RIMS1: variants seen among roughly 807,000 people sequenced by gnomAD.
RIMS1 encodes regulating synaptic membrane exocytosis 1.
Under a neutral mutation model 214.1 loss-of-function variants are expected in RIMS1, and 83 were observed. The observed-to-expected ratio is 0.39, with a 90% CI of 0.32 to 0.47. RIMS1 has a LOEUF of 0.47. Among genes scored for constraint, RIMS1 ranks in the 20% least tolerant of loss-of-function variants. The pLI is 0.99. For missense variants in RIMS1, 2,050 were observed against 2,161.8 expected, an observed-to-expected ratio of 0.95 and a Z score of 1.03; for synonymous variants, 793 against 786.8, an observed-to-expected ratio of 1.01 and a Z score of -0.13.
Position 72,087,896 on chromosome 6 carries a change from C to G in RIMS1, c.246-9053C>G, listed in dbSNP as rs374152593. On this transcript the variant is annotated intron_variant, in intron 2 of 33. Coordinates refer to ENST00000521978, the MANE Select transcript of RIMS1 (RefSeq NM_014989.7). ...CCCATCAAATGGAAACTTTGGTCAACTTTAATTTTCCAGTCAGAATTGTGT... is the reference window on the plus strand; with the variant it reads ...CCCATCAAATGGAAACTTTGGTCAAGTTTAATTTTCCAGTCAGAATTGTGT... Among the ~76,000 whole-genome samples, 12 of 152,330 alleles carry G rather than the reference C, an allele frequency of 7.9e-5. No homozygotes were observed. In the East Asian group the frequency reaches 1.4e-3, roughly 17 times the overall value.
At chr6:72,323,041 G>A (rs554296893) in intron 28 of RIMS1, among the ~76,000 whole-genome samples, 15 of 152,184 alleles carry the variant, frequency 9.9e-5, no homozygotes, top group African/African-American at 3.6e-4. Context: ...CCCATAGTTA[G>A]AGGGGTATGA....
chr6:72,218,631 A>G (rs975795095), intron 6 of RIMS1, among the ~76,000 whole-genome samples: 1 of 152,218 alleles, frequency 6.6e-6, no homozygotes, highest in Non-Finnish European at 1.5e-5. Flanking sequence ...TTGCCAGTTT[A>G]TAATGATCAT....
At chr6:72,034,329 A>C (rs887746312) in intron 2 of RIMS1, among the ~76,000 whole-genome samples, 2 of 152,154 alleles carry the variant, frequency 1.3e-5, no homozygotes, top group African/African-American at 2.4e-5. Flanking sequence ...GCTGTCCTCT[A>C]TACTTATTTG....
Position 72,179,625 on chromosome 6 carries a change from A to G in RIMS1, c.522A>G (p.Lys174=). The stretch of plus-strand genomic sequence containing the variant: ...GAAAGCAACAAGAAATCTTAACCAA[A>G]TCTGGGGCATGGTTCTTTGGAAGTG... The part of the protein sequence containing the change: ...LCRKQQEILT[K]SGAWFFGSGP... Residue 174 remains lysine (K), a synonymous_variant, in exon 5 of 34, where the codon AAA becomes AAG. Coordinates refer to ENST00000521978, the MANE Select transcript of RIMS1 (RefSeq NM_014989.7). The G allele has an allele frequency of 6.2e-7, 1 of 1,613,966 alleles. No homozygotes were observed. Among genetic ancestry groups the G allele is most frequent in the South Asian group, 1.1e-5 (1 of 91,082 alleles).
At chr6:72,023,809 T>C (rs1367600793) in intron 2 of RIMS1, among the ~76,000 whole-genome samples, 2 of 152,116 alleles carry the variant, frequency 1.3e-5, no homozygotes, top group African/African-American at 4.8e-5. Context: ...AGATATTTAC[T>C]TCATAGAGAT....
In RIMS1 at chr6:72,338,280, AT is replaced by A. The variant is rs1398172336; in HGVS notation, c.4366+4449del. 2.0e-5 allele frequency among the ~76,000 whole-genome samples: 3 copies of A among 151,980 alleles called. No homozygotes were observed. In the East Asian group the frequency reaches 5.8e-4, roughly 30 times the overall value. ...GTTTCCTGACTTTTTAATGATCACC[AT>A]TTTAACTGGTGTAAGATGGTATCTG... On this transcript the variant is annotated intron_variant, in intron 29 of 33. Transcript: ENST00000521978.
intron 4 of RIMS1, among the ~76,000 whole-genome samples, chr6:72,111,922 A>G (rs1400378440): frequency 3.3e-5 from 5 of 152,134 alleles, no homozygotes; most frequent in Non-Finnish European, 5.9e-5. Flanking sequence ...CCAAGTATCT[A>G]TAACAGAGTT....
At chr6:72,230,529 A>G (rs1371523631) in intron 6 of RIMS1, among the ~76,000 whole-genome samples, 1 of 151,494 alleles carries the variant, frequency 6.6e-6, no homozygotes, top group Non-Finnish European at 1.5e-5. Context: ...TATTATTTTG[A>G]AGGGATTTTT....
intron 2 of RIMS1, among the ~76,000 whole-genome samples, chr6:71,983,819 C>T (rs1298061528): frequency 6.6e-6 from 1 of 152,162 alleles, no homozygotes; most frequent in Non-Finnish European, 1.5e-5. Context: ...ACTTACATAG[C>T]AAACCATCTT....
At chr6:72,392,892 T>C in intron 31 of RIMS1, 82 bp downstream of exon 31, 1 of 962,118 alleles carries the variant, frequency 1.0e-6, no homozygotes, top group African/African-American at 1.6e-5. Flanking sequence ...AATTGTGTAA[T>C]AGCAATACAA....
At chr6:72,207,772 A>G (rs1246594518) in intron 6 of RIMS1, among the ~76,000 whole-genome samples, 1 of 152,114 alleles carries the variant, frequency 6.6e-6, no homozygotes, top group African/African-American at 2.4e-5. Context: ...CAAACAAACA[A>G]ACAAAAAAAT....
intron 6 of RIMS1, among the ~76,000 whole-genome samples, chr6:72,183,523 T>TAAA (rs5877316): frequency 4.8e-5 from 7 of 146,398 alleles, no homozygotes; most frequent in African/African-American, 1.8e-4. Flanking sequence ...AAGTAGACAT[T>TAAA]AAAAAAAAAC....
intron 2 of RIMS1, among the ~76,000 whole-genome samples, chr6:72,074,871 C>T (rs750555855): frequency 2.0e-5 from 3 of 152,088 alleles, no homozygotes; most frequent in African/African-American, 4.8e-5. Flanking sequence ...TCAGTGAATT[C>T]GTAGACATGA....
chr6:72,260,689 C>T lies in RIMS1; in HGVS notation c.3054-16C>T, dbSNP rs747490757. ...TAATTTATCTGTTTCACTCACCACC[C>T]ATCCTGTCTGTGCAGTGAGCTTCTT... On this transcript the variant is annotated splice_polypyrimidine_tract_variant and intron_variant, in intron 18 of 33. Coordinates refer to ENST00000521978, the MANE Select transcript of RIMS1 (RefSeq NM_014989.7). The T allele has an allele frequency of 1.1e-5, 18 of 1,611,742 alleles. No individual in the cohort carries two copies. Among genetic ancestry groups the T allele is most frequent in the Non-Finnish European group, 1.5e-5 (18 of 1,178,702 alleles).
chr6:72,342,396 G>A (rs1695924345), intron 29 of RIMS1, among the ~76,000 whole-genome samples: 1 of 151,764 alleles, frequency 6.6e-6, no homozygotes, highest in Admixed American at 6.6e-5. Flanking sequence ...TCTACAATGG[G>A]TTAGAGTGAG....
intron 23 of RIMS1, among the ~76,000 whole-genome samples, chr6:72,275,376 G>T (rs557094310): frequency 6.6e-6 from 1 of 151,252 alleles, no homozygotes; most frequent in Non-Finnish European, 1.5e-5. Flanking sequence ...GTGTGCGTAC[G>T]GCAGAGTAAT....
intron 2 of RIMS1, among the ~76,000 whole-genome samples, chr6:72,076,496 A>G (rs1345576479): frequency 6.6e-6 from 1 of 152,158 alleles, no homozygotes; most frequent in East Asian, 1.9e-4. Context: ...TCTCCACCTA[A>G]TTACCTTTCA....
chr6:72,398,908 T>A lies in RIMS1; in HGVS notation c.4721-47T>A, dbSNP rs777300537. 5.7e-6 allele frequency: 7 copies of A among 1,217,978 alleles called. No individual in the cohort carries two copies. In the South Asian group the frequency reaches 1.0e-4, roughly 18 times the overall value. 75.4% of individuals were successfully genotyped at this position (1,217,978 alleles called of 1,614,324 possible). On this transcript the variant is annotated intron_variant, in intron 32 of 33. Transcript: ENST00000521978. Reference sequence around the variant, plus strand: ...GGGAATTCTCTAATTAAAAAAATAGTTGAATTTAAGGAATAATTTCTTATA... The same window carrying A: ...GGGAATTCTCTAATTAAAAAAATAGATGAATTTAAGGAATAATTTCTTATA...
intron 2 of RIMS1, among the ~76,000 whole-genome samples, chr6:72,067,113 G>T (rs1829504847): frequency 1.3e-5 from 2 of 152,034 alleles, no homozygotes; most frequent in South Asian, 2.1e-4. Flanking sequence ...CTTGACTATG[G>T]ATTCCTCCTG....
Sources: allele counts gnomAD v4.1 joint callset (sites outside exome capture counted in the v4.1 genomes callset), GRCh38; gene constraint gnomAD v4.1.1; transcripts MANE v1.5; gene names NCBI Gene and HGNC (gene_info 2026-07-23, HGNC 2026-07-21).